The following GPR62 variants were observed in gnomAD, a reference collection of about 807,000 sequenced individuals.
GPR62 encodes G protein-coupled receptor 62, also known as G-protein coupled receptor GPCR8.
For missense variants in GPR62, 513 were observed against 541.5 expected, an observed-to-expected ratio of 0.95 and a Z score of 0.52; for synonymous variants, 280 against 286.9, an observed-to-expected ratio of 0.98 and a Z score of 0.24.
Position 51,957,124 on chromosome 3 carries a change from G to C in GPR62, c.*365G>C. ...CCAAAGTGATCCGCCAAGCAGGGCA[G>C]TATCTGGGTTACAGCCACAGCAGGA... On this transcript the variant is annotated 3_prime_UTR_variant, in exon 1 of 1. Transcript: ENST00000322241. 1 of 266,600 alleles carries C rather than the reference G, an allele frequency of 3.8e-6. No homozygotes were observed. 16.5% of individuals were successfully genotyped at this position (266,600 alleles called of 1,614,324 possible).
chr3:51,955,552 C>A lies in GPR62; in HGVS notation c.-101C>A. ...CCAATGAGGTGAGGGGCCGGAGGAG[C>A]AAGGGACAAGAGGAGCAGAGGACAG... On this transcript the variant is annotated 5_prime_UTR_variant, in exon 1 of 1. Coordinates refer to ENST00000322241, the MANE Select transcript of GPR62 (RefSeq NM_080865.4). 1.9e-6 allele frequency: 2 copies of A among 1,055,160 alleles called. No homozygotes were observed. The highest frequency in any genetic ancestry group is 2.7e-6 in the Non-Finnish European group (2 of 751,090). 65.4% of individuals were successfully genotyped at this position (1,055,160 alleles called of 1,614,324 possible).
chr3:51,956,960 C>T lies in GPR62; in HGVS notation c.*201C>T, dbSNP rs1241622282. The T allele has an allele frequency of 6.8e-6, 6 of 880,980 alleles. No homozygotes were observed. The African/African-American group carries it at 7.0e-5, about 10-fold the overall frequency. 54.6% of individuals were successfully genotyped at this position (880,980 alleles called of 1,614,324 possible). ...AGCACTGTGCATAGGCCGACCCTTC[C>T]TTAGGCCTCAGCTTTCCCATCTGCA... On this transcript the variant is annotated 3_prime_UTR_variant, in exon 1 of 1. Coordinates refer to ENST00000322241, the MANE Select transcript of GPR62 (RefSeq NM_080865.4).
In GPR62 at chr3:51,956,605, C is replaced by T; in HGVS notation, c.953C>T (p.Pro318Leu). ...ALPGPVRACT[P>L]QAWHPRALLQ... ...CCTGGACCTGTGCGGGCCTGCACTCCGCAAGCCTGGCACCCGCGGGCACTC... is the reference window on the plus strand; with the variant it reads ...CCTGGACCTGTGCGGGCCTGCACTCTGCAAGCCTGGCACCCGCGGGCACTC... Residue 318 changes from proline (P) to leucine (L), a missense_variant, in exon 1 of 1, where the codon CCG becomes CTG. Pro to Leu is a moderately conservative substitution (Grantham distance 98, BLOSUM62 -3). Coordinates refer to ENST00000322241, the MANE Select transcript of GPR62 (RefSeq NM_080865.4). 1 of 1,612,446 alleles carries T rather than the reference C, an allele frequency of 6.2e-7. No homozygotes were observed. The highest frequency in any genetic ancestry group is 8.5e-7 in the Non-Finnish European group (1 of 1,179,924).
Position 51,956,140 on chromosome 3 carries a change from C to G in GPR62, c.488C>G (p.Ser163Trp), listed in dbSNP as rs749697880. The change falls in exon 1 of 1, where the codon TCG (serine) becomes TGG (tryptophan). Residue 163 changes from serine to tryptophan, a missense_variant. Coordinates refer to ENST00000322241, the MANE Select transcript of GPR62 (RefSeq NM_080865.4). ...PAPPPAPARC[S>W]VLAGGLGPFR... ...CCGCCCCCTGCTCCTGCTCGCTGCT[C>G]GGTCCTGGCTGGGGGCCTCGGGCCC... is the stretch of plus-strand genomic sequence containing the variant. The G allele has an allele frequency of 6.8e-7, 1 of 1,466,710 alleles. No homozygotes were observed. Among genetic ancestry groups the G allele is most frequent in the Non-Finnish European group, 9.0e-7 (1 of 1,116,906 alleles). 90.9% of individuals were successfully genotyped at this position (1,466,710 alleles called of 1,614,324 possible). A position where few individuals can be genotyped will look rare whatever the true frequency, so the allele number is the denominator to read the frequency against.
In GPR62 at chr3:51,956,537, C is replaced by T. The variant is rs1353717065; in HGVS notation, c.885C>T (p.Arg295=). 1 of 1,607,218 alleles carries T rather than the reference C, an allele frequency of 6.2e-7. No individual in the cohort carries two copies. The highest frequency in any genetic ancestry group is 8.5e-7 in the Non-Finnish European group (1 of 1,177,948). ...AHPFLYGLLQ[R]PVRLALGRLS... ...CCTTCCTGTACGGGCTGCTGCAGCG[C>T]CCCGTGCGCTTGGCACTGGGCCGCC... Residue 295 remains arginine, a synonymous_variant, in exon 1 of 1, where the codon CGC becomes CGT. Coordinates refer to ENST00000322241, the MANE Select transcript of GPR62 (RefSeq NM_080865.4).
chr3:51,955,896 C>T lies in GPR62; in HGVS notation c.244C>T (p.Arg82Cys). The change falls in exon 1 of 1, where the codon CGC (arginine) becomes TGC (cysteine). Residue 82 changes from arginine to cysteine, a missense_variant. Arg to Cys is a radical substitution (Grantham distance 180). Coordinates refer to ENST00000322241, the MANE Select transcript of GPR62 (RefSeq NM_080865.4). ...ACCGCCGCCCGGGCTGGGCCGCGTG[C>T]GCCTGGGCCCCGCGCCATGCCGCGC... Reference protein sequence around the residue: ...AAPPPGLGRVRLGPAPCRAAR... With the variant: ...AAPPPGLGRVCLGPAPCRAAR... The T allele has an allele frequency of 7.5e-7, 1 of 1,326,308 alleles. No homozygotes were observed. The highest frequency in any genetic ancestry group is 9.6e-7 in the Non-Finnish European group (1 of 1,046,754). The allele number at this position is 1,326,308 out of a possible 1,614,324, so 82.2% of individuals were successfully genotyped here.
chr3:51,956,909 C>T lies in GPR62; in HGVS notation c.*150C>T, dbSNP rs1699860157. 1 of 1,399,994 alleles carries T rather than the reference C, an allele frequency of 7.1e-7. No individual in the cohort carries two copies. Among genetic ancestry groups the T allele is most frequent in the Non-Finnish European group, 9.5e-7 (1 of 1,055,376 alleles). 86.7% of individuals were successfully genotyped at this position (1,399,994 alleles called of 1,614,324 possible). On this transcript the variant is annotated 3_prime_UTR_variant, in exon 1 of 1. Coordinates refer to ENST00000322241, the MANE Select transcript of GPR62 (RefSeq NM_080865.4). ...CCACGGACTTCTGAGAGCCAGGAAT[C>T]CTGCGGTCTGGGCCCAACACTGCAT...
chr3:51,956,529 C>T lies in GPR62; in HGVS notation c.877C>T (p.Leu293=). 6.2e-7 allele frequency: 1 copy of T among 1,605,406 alleles called. No homozygotes were observed. The highest frequency in any genetic ancestry group is 8.5e-7 in the Non-Finnish European group (1 of 1,177,274). ...GGCTCACCCCTTCCTGTACGGGCTG[C>T]TGCAGCGCCCCGTGCGCTTGGCACT... ...FAAHPFLYGL[L]QRPVRLALGR... The change falls in exon 1 of 1, where the codon CTG becomes TTG. Residue 293 remains leucine (L), a synonymous_variant. Transcript: ENST00000322241.
At position 51,956,828 on chromosome 3, in the gene GPR62, G is replaced by A; in HGVS notation, c.*69G>A. 6.7e-7 allele frequency: 1 copy of A among 1,498,076 alleles called. No individual in the cohort carries two copies. Among genetic ancestry groups the A allele is most frequent in the South Asian group, 1.4e-5 (1 of 73,038 alleles). The allele number at this position is 1,498,076 out of a possible 1,614,324, so 92.8% of individuals were successfully genotyped here. On this transcript the variant is annotated 3_prime_UTR_variant, in exon 1 of 1. Transcript: ENST00000322241. ...CTGCACAGGTCACAGCAGGTGCCCT[G>A]CTGGATATCTGGGTCTGGAACAGGA...
rs1699854290 is a variant in GPR62 at position 51,956,596 on chromosome 3, C to T, written c.944C>T (p.Ala315Val). ...SRRALPGPVR[A>V]CTPQAWHPRA... ...CGTGCACTGCCTGGACCTGTGCGGG[C>T]CTGCACTCCGCAAGCCTGGCACCCG... The change falls in exon 1 of 1, where the codon GCC (alanine) becomes GTC (valine). Residue 315 changes from alanine (A) to valine (V), a missense_variant. Coordinates refer to ENST00000322241, the MANE Select transcript of GPR62 (RefSeq NM_080865.4). 1.2e-6 allele frequency: 2 copies of T among 1,612,298 alleles called. No homozygotes were observed. The highest frequency in any genetic ancestry group is 4.5e-5 in the East Asian group (2 of 44,858).
rs762599881 is a variant in GPR62, at chr3:51,956,303, G to A, written c.651G>A (p.Ser217=). ...PRPARGSRLH[S]DSLDSRLSIL... The stretch of plus-strand genomic sequence containing the variant: ...CGGCGCGCGGGTCCCGACTCCACTC[G>A]GACTCTCTGGATAGCCGCCTTTCCA... Residue 217 remains serine, a synonymous_variant, in exon 1 of 1, where the codon TCG becomes TCA. Transcript: ENST00000322241. 6.4e-7 allele frequency: 1 copy of A among 1,571,260 alleles called. No homozygotes were observed. The highest frequency in any genetic ancestry group is 1.1e-5 in the South Asian group (1 of 87,460).
Position 51,956,339 on chromosome 3 carries a change from G to A in GPR62, c.687G>A (p.Pro229=), listed in dbSNP as rs17852417. 1 of 1,555,408 alleles carries A rather than the reference G, an allele frequency of 6.4e-7. No homozygotes were observed. The highest frequency in any genetic ancestry group is 1.4e-5 in the African/African-American group (1 of 71,546). Residue 229 remains proline (P), a synonymous_variant, in exon 1 of 1, where the codon CCG becomes CCA. Transcript: ENST00000322241. ...SLDSRLSILP[P]LRPRLPGGKA... ...ATAGCCGCCTTTCCATCTTGCCGCCGCTCCGGCCTCGCCTGCCCGGGGGCA... is the reference window on the plus strand; with the variant it reads ...ATAGCCGCCTTTCCATCTTGCCGCCACTCCGGCCTCGCCTGCCCGGGGGCA...
In GPR62 at chr3:51,956,130, G is replaced by T; in HGVS notation, c.478G>T (p.Ala160Ser). The T allele has an allele frequency of 2.7e-6, 4 of 1,461,754 alleles. No homozygotes were observed. The highest frequency in any genetic ancestry group is 3.6e-6 in the Non-Finnish European group (4 of 1,114,184). The allele number at this position is 1,461,754 out of a possible 1,614,324, so 90.5% of individuals were successfully genotyped here. The part of the protein sequence containing the change: ...GTPPAPPPAP[A>S]RCSVLAGGLG... The stretch of plus-strand genomic sequence containing the variant: ...GCCGCCCGCACCGCCCCCTGCTCCT[G>T]CTCGCTGCTCGGTCCTGGCTGGGGG... Residue 160 changes from alanine to serine, a missense_variant, in exon 1 of 1, where the codon GCT becomes TCT. Physicochemically the swap from Ala to Ser is moderately conservative, Grantham distance 99. Coordinates refer to ENST00000322241, the MANE Select transcript of GPR62 (RefSeq NM_080865.4).
Position 51,955,751 on chromosome 3 carries a change from C to T in GPR62, c.99C>T (p.Gly33=), listed in dbSNP as rs200154994. 3.7e-6 allele frequency: 6 copies of T among 1,604,840 alleles called. No individual in the cohort carries two copies. Among genetic ancestry groups the T allele is most frequent in the South Asian group, 1.1e-5 (1 of 89,738 alleles). Residue 33 remains glycine, a synonymous_variant, in exon 1 of 1, where the codon GGC becomes GGT. Coordinates refer to ENST00000322241, the MANE Select transcript of GPR62 (RefSeq NM_080865.4). The stretch of plus-strand genomic sequence containing the variant: ...AGGTGGGGGCACTGCTGGGCAACGG[C>T]GCGCTGCTGGTCGTGGTGCTGCGCA... ...VVEVGALLGN[G]ALLVVVLRTP... is the part of the protein sequence containing the mutation.
At position 51,955,876 on chromosome 3, in the gene GPR62, C is replaced by T; in HGVS notation, c.224C>T (p.Pro75Leu). The T allele has an allele frequency of 1.4e-6, 2 of 1,398,634 alleles. No homozygotes were observed. The highest frequency in any genetic ancestry group is 3.1e-5 in the East Asian group (1 of 32,506). The allele number at this position is 1,398,634 out of a possible 1,614,324, so 86.6% of individuals were successfully genotyped here. Reference protein sequence around the residue: ...IMPLGLLAAPPPGLGRVRLGP... With the variant: ...IMPLGLLAAPLPGLGRVRLGP... ...CCGCTGGGCCTGCTGGCCGCACCGC[C>T]GCCCGGGCTGGGCCGCGTGCGCCTG... is the stretch of plus-strand genomic sequence containing the variant. Residue 75 changes from proline (P) to leucine (L), a missense_variant, in exon 1 of 1, where the codon CCG (proline) becomes CTG (leucine). Coordinates refer to ENST00000322241, the MANE Select transcript of GPR62 (RefSeq NM_080865.4).
At position 51,956,969 on chromosome 3, in the gene GPR62, C is replaced by T. The variant is rs1699861539; in HGVS notation, c.*210C>T. 1 of 789,750 alleles carries T rather than the reference C, an allele frequency of 1.3e-6. No individual in the cohort carries two copies. The highest frequency in any genetic ancestry group is 3.7e-5 in the Admixed American group (1 of 26,786). The allele number at this position is 789,750 out of a possible 1,614,324, so 48.9% of individuals were successfully genotyped here. On this transcript the variant is annotated 3_prime_UTR_variant, in exon 1 of 1. Coordinates refer to ENST00000322241, the MANE Select transcript of GPR62 (RefSeq NM_080865.4). ...CATAGGCCGACCCTTCCTTAGGCCT[C>T]AGCTTTCCCATCTGCACCCTGCAGC...
Position 51,956,220 on chromosome 3 carries a change from G to A in GPR62, c.568G>A (p.Gly190Ser), listed in dbSNP as rs751531125. ...CGCGCTGCCCGCCCTCCTGCTGCTC[G>A]GCGCCTACGGCGGCATCTTCGTGGT... The part of the protein sequence containing the change: ...AFALPALLLL[G>S]AYGGIFVVAR... Residue 190 changes from glycine to serine, a missense_variant, in exon 1 of 1, where the codon GGC (glycine) becomes AGC (serine). Physicochemically the swap from Gly to Ser is moderately conservative, Grantham distance 56. Transcript: ENST00000322241. 3 of 1,534,978 alleles carry A rather than the reference G, an allele frequency of 2.0e-6. No homozygotes were observed. Among genetic ancestry groups the A allele is most frequent in the East Asian group, 2.6e-5 (1 of 38,664 alleles).
chr3:51,956,030 G>A lies in GPR62; in HGVS notation c.378G>A (p.Arg126=). 7.0e-7 allele frequency: 1 copy of A among 1,432,054 alleles called. No homozygotes were observed. The highest frequency in any genetic ancestry group is 9.1e-7 in the Non-Finnish European group (1 of 1,096,614). The allele number at this position is 1,432,054 out of a possible 1,614,324, so 88.7% of individuals were successfully genotyped here. ...LIVHPLRPGS[R]PPPVLVLTAV... is the part of the protein sequence containing the mutation. Reference sequence around the variant, plus strand: ...TGCACCCGCTGCGGCCAGGCTCGCGGCCGCCGCCTGTGCTCGTGCTCACCG... The same window carrying A: ...TGCACCCGCTGCGGCCAGGCTCGCGACCGCCGCCTGTGCTCGTGCTCACCG... The change falls in exon 1 of 1, where the codon CGG becomes CGA. Residue 126 remains arginine (R), a synonymous_variant. Transcript: ENST00000322241.
rs1425499985 is a variant in GPR62 at position 51,956,624 on chromosome 3, G to A, written c.972G>A (p.Arg324=). The change falls in exon 1 of 1, where the codon CGG becomes CGA. Residue 324 remains arginine, a synonymous_variant. Transcript: ENST00000322241. The stretch of plus-strand genomic sequence containing the variant: ...GCACTCCGCAAGCCTGGCACCCGCG[G>A]GCACTCTTGCAATGCCTCCAGAGAC... The part of the protein sequence containing the change: ...RACTPQAWHP[R]ALLQCLQRPP... The A allele has an allele frequency of 5.6e-6, 9 of 1,612,574 alleles. No homozygotes were observed. The highest frequency in any genetic ancestry group is 5.9e-6 in the Non-Finnish European group (7 of 1,179,988).
Sources: gnomAD v4.1 joint callset for allele counts on GRCh38, gnomAD v4.1.1 for gene constraint, MANE v1.5 for transcripts, NCBI Gene and HGNC (gene_info 2026-07-23, HGNC 2026-07-21) for gene names.